Variants in GNA14 observed in about 807,000 individuals in gnomAD.
The protein encoded by GNA14 is G protein subunit alpha 14.
In GNA14, 50 loss-of-function variants were observed where a neutral mutation model predicts 42.0. The ratio of observed to expected loss-of-function variants is 1.19; its 90% CI spans 0.95 to 1.51. The LOEUF (loss-of-function observed/expected upper bound fraction) is 1.51. GNA14 is among the 40% of genes most tolerant of loss of function. The probability of loss-of-function intolerance (pLI) is 0.00; values close to 1 mark genes in which losing one functional copy is unlikely to be tolerated. For synonymous variants in GNA14, 173 were observed against 163.1 expected (o/e 1.06, Z -0.46); for missense variants, 473 against 446.2 (o/e 1.06, Z -0.54).
At chr9:77,514,111 C>T (rs1307656279) in intron 2 of GNA14, among the ~76,000 whole-genome samples, 1 of 152,184 alleles carries the variant, frequency 6.6e-6, no homozygotes, top group Admixed American at 6.5e-5. Context: ...GCTTCCCAAA[C>T]TAAGTTTAGG....
At chr9:77,515,975 A>AAAAAAAAAAAAAAAAAC in intron 2 of GNA14, among the ~76,000 whole-genome samples, 1 of 149,074 alleles carries the variant, frequency 6.7e-6, no homozygotes, top group African/African-American at 2.5e-5. Context: ...AAAAAAAAAA[A>AAAAAAAAAAAAAAAAAC]AAAAAAAACC....
chr9:77,610,223 A>AC (rs1331746615), intron 1 of GNA14, among the ~76,000 whole-genome samples: 5 of 152,088 alleles, frequency 3.3e-5, no homozygotes, highest in African/African-American at 1.2e-4. Context: ...AAAATTACCT[A>AC]CATCCCCCAC....
Position 77,482,460 on chromosome 9 carries a change from C to T in GNA14, c.309+46609G>A, listed in dbSNP as rs559182687. Among the ~76,000 whole-genome samples, 13 of 152,220 alleles carry T rather than the reference C, an allele frequency of 8.5e-5. No individual in the cohort carries two copies. In the East Asian group the frequency reaches 9.6e-4, roughly 11 times the overall value. On this transcript the variant is annotated intron_variant, in intron 2 of 6. Coordinates refer to ENST00000341700, the MANE Select transcript of GNA14 (RefSeq NM_004297.4). ...GATGGGCTTCCCTTTGTGGGTAACC[C>T]GACCTTTCTCTCTGGCTGCCCTTAA...
chr9:77,574,264 C>T lies in GNA14; in HGVS notation c.125-45011G>A, dbSNP rs35976406. 9.6e-3 allele frequency among the ~76,000 whole-genome samples: 1,469 copies of T among 152,302 alleles called. 10 individuals are homozygous for T. Among genetic ancestry groups the T allele is most frequent in the Non-Finnish European group, 0.016 (1,109 of 68,038 alleles). On this transcript the variant is annotated intron_variant, in intron 1 of 6. Coordinates refer to ENST00000341700, the MANE Select transcript of GNA14 (RefSeq NM_004297.4). The stretch of plus-strand genomic sequence containing the variant: ...CAGCAACAGGACAATCAAGCTGCAC[C>T]TTGACGGTATTTCAAGTGTGAAGAA...
At chr9:77,621,702 C>G (rs1201735666) in intron 1 of GNA14, among the ~76,000 whole-genome samples, 3 of 152,178 alleles carry the variant, frequency 2.0e-5, no homozygotes, top group Non-Finnish European at 2.9e-5. Context: ...TTTTCTGACA[C>G]ATGAGCTACC....
intron 2 of GNA14, among the ~76,000 whole-genome samples, chr9:77,511,001 T>TA (rs1409949661): frequency 2.6e-5 from 4 of 151,646 alleles, no homozygotes; most frequent in Admixed American, 2.6e-4. Context: ...GTTGCCCAGT[T>TA]AGAGTTGGAT....
intron 1 of GNA14, among the ~76,000 whole-genome samples, chr9:77,531,866 G>C (rs1286015864): frequency 6.6e-6 from 1 of 151,710 alleles, no homozygotes; most frequent in Admixed American, 6.5e-5. Context: ...GAAAACGTTA[G>C]AAGTGATTTT....
intron 1 of GNA14, among the ~76,000 whole-genome samples, chr9:77,566,974 T>C (rs1822978616): frequency 6.6e-6 from 1 of 152,204 alleles, no homozygotes; most frequent in Non-Finnish European, 1.5e-5. Flanking sequence ...CAAAGCTCTA[T>C]TTTCCCAAAA....
At chr9:77,427,745 C>A (rs1038303768) in intron 5 of GNA14, among the ~76,000 whole-genome samples, 1 of 152,194 alleles carries the variant, frequency 6.6e-6, no homozygotes, top group South Asian at 2.1e-4. Context: ...GAGGGGACAA[C>A]GCATGCCTGA....
At chr9:77,481,027 G>GT (rs1345895856) in intron 2 of GNA14, among the ~76,000 whole-genome samples, 1 of 151,870 alleles carries the variant, frequency 6.6e-6, no homozygotes, top group Non-Finnish European at 1.5e-5. Flanking sequence ...TTTTTGAAGG[G>GT]TTTTTTGTGT....
At chr9:77,537,797 T>A (rs1022632656) in intron 1 of GNA14, among the ~76,000 whole-genome samples, 3 of 152,242 alleles carry the variant, frequency 2.0e-5, no homozygotes, top group African/African-American at 7.2e-5. Context: ...TATCTCACTA[T>A]GGTTTTGATT....
At chr9:77,628,293 G>A (rs770156966) in intron 1 of GNA14, among the ~76,000 whole-genome samples, 4 of 151,996 alleles carry the variant, frequency 2.6e-5, no homozygotes, top group Non-Finnish European at 5.9e-5. Context: ...AACCAATAAT[G>A]TGAAAATGGT....
chr9:77,580,672 C>A, intron 1 of GNA14: 1 of 292,252 alleles, frequency 3.4e-6, no homozygotes, highest in Non-Finnish European at 7.2e-6. Flanking sequence ...CCTCACACCT[C>A]TTCCCAATAC....
At chr9:77,498,195 G>A (rs1488186901) in intron 2 of GNA14, among the ~76,000 whole-genome samples, 2 of 151,976 alleles carry the variant, frequency 1.3e-5, no homozygotes, top group Non-Finnish European at 2.9e-5. Context: ...CCAAAATGGA[G>A]AAACTCCGCC....
At chr9:77,609,358 C>T (rs528301541) in intron 1 of GNA14, among the ~76,000 whole-genome samples, 1 of 152,282 alleles carries the variant, frequency 6.6e-6, no homozygotes, top group South Asian at 2.1e-4. Context: ...TTCATGATTA[C>T]TTAAGTATTC....
chr9:77,540,989 T>C (rs562309888), intron 1 of GNA14, among the ~76,000 whole-genome samples: 1 of 152,276 alleles, frequency 6.6e-6, no homozygotes, highest in South Asian at 2.1e-4. Flanking sequence ...TTTGTTTTTG[T>C]CATAAAGTTA....
At chr9:77,492,125 C>G (rs1375909674) in intron 2 of GNA14, among the ~76,000 whole-genome samples, 4 of 151,968 alleles carry the variant, frequency 2.6e-5, no homozygotes, top group Non-Finnish European at 5.9e-5. Context: ...AATGGAAATA[C>G]AACATACCAA....
At chr9:77,460,811 C>A (rs1172358007) in intron 2 of GNA14, among the ~76,000 whole-genome samples, 2 of 152,194 alleles carry the variant, frequency 1.3e-5, no homozygotes, top group Admixed American at 6.5e-5. Context: ...CCATCACAGG[C>A]TGTGGGGCGT....
intron 2 of GNA14, among the ~76,000 whole-genome samples, chr9:77,498,552 A>G (rs1034427374): frequency 2.6e-5 from 4 of 152,132 alleles, no homozygotes; most frequent in African/African-American, 9.7e-5. Flanking sequence ...TCCTAGGGTT[A>G]TAGTAGGGAT....
Sources: gnomAD v4.1 joint callset for allele counts (sites outside exome capture counted in the v4.1 genomes callset) on GRCh38, gnomAD v4.1.1 for gene constraint, MANE v1.5 for transcripts, NCBI Gene and HGNC (gene_info 2026-07-23, HGNC 2026-07-21) for gene names.